The following PPP1R13B variants were observed in gnomAD, a reference collection of about 807,000 sequenced individuals.
PPP1R13B encodes the protein protein phosphatase 1 regulatory subunit 13B, also known as apoptosis-stimulating of p53 protein 1.
PPP1R13B carries 44 observed loss-of-function variants against 119.8 expected under a neutral mutation model. The observed-to-expected ratio is 0.37, with a 90% CI of 0.29 to 0.47. PPP1R13B has a LOEUF of 0.47. Among genes scored for constraint, PPP1R13B ranks in the 20% least tolerant of loss-of-function variants. PPP1R13B has a pLI of 0.99. For missense variants in PPP1R13B, 1,227 were observed against 1,413.5 expected (o/e 0.87, Z 2.12); for synonymous variants, 542 against 561.5 (o/e 0.97, Z 0.49).
At chr14:103,766,884 C>T (rs2084951790) in intron 4 of PPP1R13B, among the ~76,000 whole-genome samples, 1 of 152,198 alleles carries the variant, frequency 6.6e-6, no homozygotes, top group Admixed American at 6.5e-5. Context: ...AACAATTTCA[C>T]ATAGTTCGAA....
In PPP1R13B at chr14:103,739,893, T is replaced by G. The variant is rs1595707153; in HGVS notation, c.2523A>C (p.Pro841=). The G allele has an allele frequency of 1.2e-6, 2 of 1,613,852 alleles. No homozygotes were observed. The highest frequency in any genetic ancestry group is 2.2e-5 in the East Asian group (1 of 44,866). ...GAGGGACCTGCTCTTCCCCTGGAGA[T>G]GGGGCCTCAGCCACAGGACTCGGGA... ...EQIPSPVAEA[P]SPGEEQVPPA... is the part of the protein sequence containing the mutation. The change falls in exon 12 of 17, where the codon CCA becomes CCC. Residue 841 remains proline (P), a synonymous_variant. Coordinates refer to ENST00000202556, the MANE Select transcript of PPP1R13B (RefSeq NM_015316.3).
intron 1 of PPP1R13B, among the ~76,000 whole-genome samples, chr14:103,818,994 G>A (rs960679587): frequency 5.3e-5 from 8 of 152,192 alleles, no homozygotes; most frequent in African/African-American, 1.9e-4. Context: ...ATAATTCTAA[G>A]TTGGAAGGGG....
In PPP1R13B at chr14:103,738,727, A is replaced by C; in HGVS notation, c.2816T>G (p.Phe939Cys). The change falls in exon 14 of 17, where the codon TTC (phenylalanine) becomes TGC (cysteine). Residue 939 changes from phenylalanine to cysteine, a missense_variant. Physicochemically the swap from Phe to Cys is radical, Grantham distance 205. Transcript: ENST00000202556. This position sits in a 1 kb window ranked among gnomAD's most constrained non-coding sequence, Gnocchi z 5.6. ...CACGTTGACACCAAAATCCAGCAGG[A>C]ACTTCACGATGTGATGGTGGCCGGC... is the stretch of plus-strand genomic sequence containing the variant. Reference protein sequence around the residue: ...VCAGHHHIVKFLLDFGVNVNA... With the variant: ...VCAGHHHIVKCLLDFGVNVNA... The C allele has an allele frequency of 2.5e-6, 4 of 1,614,252 alleles. No individual in the cohort carries two copies. Among genetic ancestry groups the C allele is most frequent in the Non-Finnish European group, 3.4e-6 (4 of 1,180,044 alleles).
intron 4 of PPP1R13B, among the ~76,000 whole-genome samples, chr14:103,771,412 A>G (rs2085065553): frequency 6.6e-6 from 1 of 152,128 alleles, no homozygotes; most frequent in Non-Finnish European, 1.5e-5. Flanking sequence ...TGAACATAAA[A>G]TATGTTTAGT....
chr14:103,834,741 C>T (rs1405527956), intron 1 of PPP1R13B, among the ~76,000 whole-genome samples: 1 of 151,982 alleles, frequency 6.6e-6, no homozygotes, highest in Non-Finnish European at 1.5e-5. Flanking sequence ...CAGGTACCCA[C>T]CACCATGCCT....
At chr14:103,794,594 T>G (rs768772954) in intron 2 of PPP1R13B, 2 of 442,138 alleles carry the variant, frequency 4.5e-6, no homozygotes, top group South Asian at 3.2e-5. Context: ...TCCCAAAGTG[T>G]TGAGATTACA....
At chr14:103,813,043 C>T (rs1185920766) in intron 1 of PPP1R13B, among the ~76,000 whole-genome samples, 2 of 152,186 alleles carry the variant, frequency 1.3e-5, no homozygotes, top group East Asian at 3.9e-4. Context: ...CCAGCAATCC[C>T]ACCACTTGGT....
In PPP1R13B at chr14:103,797,353, A is replaced by G; in HGVS notation, c.157+18T>C. On this transcript the variant is annotated intron_variant, in intron 2 of 16. Coordinates refer to ENST00000202556, the MANE Select transcript of PPP1R13B (RefSeq NM_015316.3). The stretch of plus-strand genomic sequence containing the variant: ...TGATTTTATCAATGTAACAATCTTT[A>G]CAGGACCTAATACATACCATTTCCC... The G allele has an allele frequency of 6.3e-7, 1 of 1,597,388 alleles. No homozygotes were observed. The highest frequency in any genetic ancestry group is 8.5e-7 in the Non-Finnish European group (1 of 1,173,094).
chr14:103,839,710 C>T (rs2086860821), intron 1 of PPP1R13B, among the ~76,000 whole-genome samples: 2 of 152,086 alleles, frequency 1.3e-5, no homozygotes, highest in South Asian at 2.1e-4. Context: ...ACACTACTCT[C>T]TCCATCACCT....
At chr14:103,815,712 A>G in intron 1 of PPP1R13B, among the ~76,000 whole-genome samples, 1 of 151,782 alleles carries the variant, frequency 6.6e-6, no homozygotes, top group East Asian at 1.9e-4. Context: ...CCAAGATCGC[A>G]CCACTGCACT....
chr14:103,771,339 A>T (rs748377535), intron 4 of PPP1R13B, among the ~76,000 whole-genome samples: 28 of 152,302 alleles, frequency 1.8e-4, no homozygotes, highest in Non-Finnish European at 3.8e-4. Flanking sequence ...ACACAGAGCA[A>T]TCAAGGAGCC....
Position 103,738,400 on chromosome 14 carries a change from G to T in PPP1R13B, c.2864+279C>A. The stretch of plus-strand genomic sequence containing the variant: ...AGTCCATACGGAACATATGAGAAGG[G>T]GAAGATGGAATGATTCACAGAATGC... On this transcript the variant is annotated intron_variant, in intron 14 of 16. Transcript: ENST00000202556. The surrounding 1 kb of genome is among the most constrained non-coding windows in gnomAD (Gnocchi z 5.6). 1 of 478,078 alleles carries T rather than the reference G, an allele frequency of 2.1e-6. No individual in the cohort carries two copies. The highest frequency in any genetic ancestry group is 3.8e-6 in the Non-Finnish European group (1 of 263,006). 29.6% of individuals were successfully genotyped at this position (478,078 alleles called of 1,614,324 possible).
chr14:103,739,214 A>C, intron 12 of PPP1R13B, 191 bp from the exon 13 acceptor site: 1 of 674,470 alleles, frequency 1.5e-6, no homozygotes, highest in East Asian at 2.7e-5. Flanking sequence ...TGCTCACTAC[A>C]AGGGAGAGCC....
intron 16 of PPP1R13B, 45 bp downstream of exon 16, chr14:103,735,958 G>A (rs765204473): frequency 1.9e-6 from 3 of 1,600,570 alleles, no homozygotes; most frequent in Non-Finnish European, 1.7e-6. Context: ...ATGCTGTACA[G>A]AGACACGGGC....
At chr14:103,807,929 G>T (rs1043301177) in intron 1 of PPP1R13B, among the ~76,000 whole-genome samples, 1 of 151,732 alleles carries the variant, frequency 6.6e-6, no homozygotes, top group Non-Finnish European at 1.5e-5. Flanking sequence ...TCAAAGAGAA[G>T]AAAAATATTC....
intron 1 of PPP1R13B, among the ~76,000 whole-genome samples, chr14:103,839,446 G>A (rs2086852873): frequency 6.6e-6 from 1 of 151,900 alleles, no homozygotes; most frequent in South Asian, 2.1e-4. Context: ...TGACCAACAT[G>A]GAGAAACCCC....
Position 103,847,469 on chromosome 14 carries a change from C to G in PPP1R13B, c.-162G>C. 1 of 991,628 alleles carries G rather than the reference C, an allele frequency of 1.0e-6. No homozygotes were observed. The highest frequency in any genetic ancestry group is 1.2e-6 in the Non-Finnish European group (1 of 835,160). The allele number at this position is 991,628 out of a possible 1,614,324, so 61.4% of individuals were successfully genotyped here. The stretch of plus-strand genomic sequence containing the variant: ...GCTGCGGCGGGCTGCGGGGCTCTCG[C>G]TGGCCCTGTCGCGGCCGCCGGCGCG... On this transcript the variant is annotated 5_prime_UTR_variant, in exon 1 of 17. Coordinates refer to ENST00000202556, the MANE Select transcript of PPP1R13B (RefSeq NM_015316.3).
At chr14:103,770,508 C>G (rs1003976399) in intron 4 of PPP1R13B, among the ~76,000 whole-genome samples, 3 of 151,028 alleles carry the variant, frequency 2.0e-5, no homozygotes, top group African/African-American at 7.4e-5. Context: ...CAGCAAGACA[C>G]TGTCTTAAAA....
intron 4 of PPP1R13B, among the ~76,000 whole-genome samples, chr14:103,761,076 C>A (rs1485952254): frequency 6.6e-6 from 1 of 151,996 alleles, no homozygotes; most frequent in African/African-American, 2.4e-5. Context: ...GAGTTTCAGA[C>A]CAGCCTGGAC....
Sources: gnomAD v4.1 joint callset for allele counts (sites outside exome capture counted in the v4.1 genomes callset) on GRCh38, gnomAD v4.1.1 for gene constraint, Gnocchi (gnomAD v3.1) non-coding constraint, MANE v1.5 for transcripts, NCBI Gene and HGNC (gene_info 2026-07-23, HGNC 2026-07-21) for gene names.